The following ABI3BP variants were observed in gnomAD, a reference collection of about 807,000 sequenced individuals.
ABI3BP encodes target of Nesh-SH3.
ABI3BP carries 216 observed loss-of-function variants against 268.6 expected under a neutral mutation model. The ratio of observed to expected loss-of-function variants is 0.80; its 90% CI spans 0.72 to 0.90. The LOEUF (loss-of-function observed/expected upper bound fraction) is 0.90. ABI3BP is among the 40% of genes least tolerant of loss of function. The pLI, the probability that ABI3BP is intolerant of heterozygous loss-of-function variation, is 0.00. For synonymous variants in ABI3BP, 730 were observed against 730.0 expected (o/e 1.00, Z 0.00); for missense variants, 2,090 against 2,182.4 (o/e 0.96, Z 0.84).
chr3:100,907,224 G>A (rs2053827560), intron 2 of ABI3BP, among the ~76,000 whole-genome samples: 1 of 152,196 alleles, frequency 6.6e-6, no homozygotes, highest in Admixed American at 6.5e-5. Context: ...GCCAGGCATG[G>A]TGGCTCAGCC....
intron 38 of ABI3BP, 125 bp downstream of exon 38, chr3:100,822,464 C>T: frequency 1.3e-6 from 1 of 758,354 alleles, no homozygotes; most frequent in Non-Finnish European, 2.1e-6. Flanking sequence ...GGATCTGCTG[C>T]TAACCATGAG....
chr3:100,813,609 T>C, intron 45 of ABI3BP, 52 bp downstream of exon 45: 4 of 1,334,950 alleles, frequency 3.0e-6, no homozygotes, highest in Admixed American at 2.0e-5. Context: ...AGAATTACAG[T>C]ATGCCTCTTA....
At chr3:100,896,152 A>C (rs972884857) in intron 4 of ABI3BP, among the ~76,000 whole-genome samples, 32 of 152,104 alleles carry the variant, frequency 2.1e-4, no homozygotes, top group African/African-American at 7.0e-4. Flanking sequence ...GAAATTATCG[A>C]TTTTGAATAT....
intron 35 of ABI3BP, 46 bp from the exon 36 acceptor site, chr3:100,824,987 G>T: frequency 6.8e-7 from 1 of 1,463,630 alleles, no homozygotes; most frequent in Non-Finnish European, 9.2e-7. Context: ...TTATGATTCT[G>T]GATACTGAGG....
chr3:100,792,316 A>G (rs914912610), intron 55 of ABI3BP, among the ~76,000 whole-genome samples: 2 of 150,462 alleles, frequency 1.3e-5, no homozygotes, highest in Admixed American at 6.6e-5. Flanking sequence ...GAGAGAAGAG[A>G]AGGAGGAGGA....
At chr3:100,908,382 T>TA (rs1297021353) in intron 2 of ABI3BP, among the ~76,000 whole-genome samples, 2 of 152,082 alleles carry the variant, frequency 1.3e-5, no homozygotes, top group South Asian at 2.1e-4. Context: ...TATACACCAA[T>TA]AACAGACAAA....
chr3:100,853,028 A>G (rs2153057987), intron 14 of ABI3BP, among the ~76,000 whole-genome samples: 1 of 152,354 alleles, frequency 6.6e-6, no homozygotes, highest in East Asian at 1.9e-4. Context: ...AGGAAGACGT[A>G]GTCATTGGGG....
chr3:100,751,789 T>C, intron 66 of ABI3BP, 115 bp from the exon 67 acceptor site: 2 of 1,051,916 alleles, frequency 1.9e-6, no homozygotes, highest in Non-Finnish European at 2.6e-6. Flanking sequence ...ATTACCCTAG[T>C]TCAAACCAAC....
chr3:100,902,601 A>G lies in ABI3BP; in HGVS notation c.328+17T>C. 1.2e-6 allele frequency: 2 copies of G among 1,611,438 alleles called. No homozygotes were observed. The highest frequency in any genetic ancestry group is 1.7e-6 in the Non-Finnish European group (2 of 1,178,064). ...AAAGTTCATAAAAGAAAAAGAATTC[A>G]ATGCAAAGGACTATACCTGAACATG... On this transcript the variant is annotated intron_variant, in intron 3 of 67. Coordinates refer to ENST00000471714, the MANE Select transcript of ABI3BP (RefSeq NM_001375547.2).
intron 2 of ABI3BP, among the ~76,000 whole-genome samples, chr3:100,922,171 A>G (rs1389221156): frequency 6.6e-6 from 1 of 152,214 alleles, no homozygotes; most frequent in Non-Finnish European, 1.5e-5. Flanking sequence ...TTAATTCATC[A>G]CTTTATAGTT....
At chr3:100,903,117 C>T (rs1474907487) in intron 2 of ABI3BP, among the ~76,000 whole-genome samples, 1 of 152,164 alleles carries the variant, frequency 6.6e-6, no homozygotes, top group African/African-American at 2.4e-5. Flanking sequence ...GAGCTAAAAT[C>T]ACTCCCTTTC....
intron 33 of ABI3BP, 24 bp downstream of exon 33, chr3:100,829,557 C>T: frequency 6.5e-7 from 1 of 1,529,524 alleles, no homozygotes; most frequent in South Asian, 1.2e-5. Context: ...GTTAGGATTC[C>T]TCAAGCATGA....
rs1411832496 is a variant in ABI3BP, at chr3:100,898,967, T to C, written c.329-73A>G. 3 of 1,462,044 alleles carry C rather than the reference T, an allele frequency of 2.1e-6. No individual in the cohort carries two copies. The African/African-American group carries it at 4.3e-5, about 21-fold the overall frequency. The allele number at this position is 1,462,044 out of a possible 1,614,324, so 90.6% of individuals were successfully genotyped here. On this transcript the variant is annotated intron_variant, in intron 3 of 67. Transcript: ENST00000471714. ...TTGCCATGATTCGGGTAAAATGCAT[T>C]AAAGATGACTTGGCAAGATGATGCA... is the stretch of plus-strand genomic sequence containing the variant.
chr3:100,926,554 T>C, intron 1 of ABI3BP, 73 bp from the exon 2 acceptor site: 1 of 1,387,678 alleles, frequency 7.2e-7, no homozygotes, highest in East Asian at 2.3e-5. Context: ...TCCCAGCAAG[T>C]GTTGGTGGCT....
At chr3:100,759,277 A>G (rs887405557) in intron 63 of ABI3BP, among the ~76,000 whole-genome samples, 6 of 152,214 alleles carry the variant, frequency 3.9e-5, no homozygotes, top group East Asian at 1.9e-4. Context: ...AGAATAAGAA[A>G]AAAAGAGGAA....
At chr3:100,871,917 A>C (rs996399254) in intron 9 of ABI3BP, among the ~76,000 whole-genome samples, 8 of 152,128 alleles carry the variant, frequency 5.3e-5, no homozygotes, top group African/African-American at 1.9e-4. Flanking sequence ...GCTCACTGAA[A>C]CCTCAAACTC....
In ABI3BP at chr3:100,818,565, A is replaced by C; in HGVS notation, c.3048T>G (p.Leu1016=). ...CTTCAGTTCTGAGAGTACCAGGTTCAAGATCTGTAGAAGGAACTAATTAAA... is the reference window on the plus strand; with the variant it reads ...CTTCAGTTCTGAGAGTACCAGGTTCCAGATCTGTAGAAGGAACTAATTAAA... ...PQTKLVPSTD[L]EPGTLRTEAP... is the part of the protein sequence containing the mutation. The change falls in exon 41 of 68, where the codon CTT becomes CTG. Residue 1016 remains leucine (L), a synonymous_variant. Transcript: ENST00000471714. 1 of 1,535,422 alleles carries C rather than the reference A, an allele frequency of 6.5e-7. No homozygotes were observed. Among genetic ancestry groups the C allele is most frequent in the Middle Eastern group, 1.7e-4 (1 of 5,980 alleles).
At chr3:100,959,085 A>C (rs2077881711) in intron 1 of ABI3BP, among the ~76,000 whole-genome samples, 1 of 152,186 alleles carries the variant, frequency 6.6e-6, no homozygotes, top group Non-Finnish European at 1.5e-5. Flanking sequence ...ACAGGAAAAC[A>C]TGCTCTATTC....
chr3:100,837,217 G>A, intron 26 of ABI3BP, 46 bp from the exon 27 acceptor site: 1 of 1,483,358 alleles, frequency 6.7e-7, no homozygotes. Context: ...AAGCAAGGAA[G>A]TCTAAACTTT....
Sources: gnomAD v4.1 joint callset for allele counts (sites outside exome capture counted in the v4.1 genomes callset) on GRCh38, gnomAD v4.1.1 for gene constraint, MANE v1.5 for transcripts, NCBI Gene and HGNC (gene_info 2026-07-23, HGNC 2026-07-21) for gene names.